The following DACH2 variants were observed in gnomAD, a reference collection of about 807,000 sequenced individuals.
DACH2 encodes the protein dachshund homolog 2.
A neutral mutation model predicts 35.8 loss-of-function variants in DACH2; 17 were observed. That is an observed-to-expected ratio of 0.48 (90% CI 0.33 to 0.71). The LOEUF (loss-of-function observed/expected upper bound fraction) is 0.71, where lower values mean the gene tolerates loss of function less well. DACH2 is among the 30% of genes least tolerant of loss of function. The probability of loss-of-function intolerance (pLI) is 0.02; values close to 1 mark genes in which losing one functional copy is unlikely to be tolerated. For missense variants in DACH2, 469 were observed against 472.7 expected, an observed-to-expected ratio of 0.99 and a Z score of 0.07; for synonymous variants, 195 against 177.3, an observed-to-expected ratio of 1.10 and a Z score of -0.79.
At chrX:86,776,021 C>T (rs773435870) in intron 7 of DACH2, among the ~76,000 whole-genome samples, 48 of 111,565 alleles carry the variant, frequency 4.3e-4, no homozygotes, top group Non-Finnish European at 7.7e-4. Flanking sequence ...GGCCATCTGA[C>T]TTCAGAGCCT....
intron 1 of DACH2, among the ~76,000 whole-genome samples, chrX:86,214,558 T>C (rs2032525187): frequency 8.9e-6 from 1 of 111,834 alleles, no homozygotes; most frequent in South Asian, 3.7e-4. Context: ...TTGATAGAAT[T>C]AAGATACTGC....
intron 1 of DACH2, among the ~76,000 whole-genome samples, chrX:86,219,949 G>C (rs768646285): frequency 1.0e-5 from 1 of 100,320 alleles, no homozygotes; most frequent in African/African-American, 3.8e-5. Flanking sequence ...TTGAGGTCAG[G>C]AGTTCCAGAC....
intron 1 of DACH2, among the ~76,000 whole-genome samples, chrX:86,307,989 G>T (rs749784079): frequency 1.3e-4 from 14 of 111,843 alleles, no homozygotes; most frequent in Non-Finnish European, 2.3e-4. Context: ...TGCTTGGTTA[G>T]CTGAAATATG....
intron 2 of DACH2, among the ~76,000 whole-genome samples, chrX:86,422,578 C>T (rs1021280104): frequency 9.1e-6 from 1 of 110,388 alleles, no homozygotes; most frequent in African/African-American, 3.3e-5. Flanking sequence ...TTATTGGGAA[C>T]ATGGAATGTT....
chrX:86,664,728 C>T (rs1602754821), intron 4 of DACH2, among the ~76,000 whole-genome samples: 2 of 111,815 alleles, frequency 1.8e-5, no homozygotes, highest in Admixed American at 9.5e-5. Context: ...GCATGATTGC[C>T]GAGTTAGCAG....
intron 5 of DACH2, among the ~76,000 whole-genome samples, chrX:86,706,602 T>C (rs779721362): frequency 1.4e-3 from 157 of 110,739 alleles, no homozygotes; most frequent in Non-Finnish European, 2.6e-3. Flanking sequence ...GGCCATAAAA[T>C]ACACTTTAAC....
intron 2 of DACH2, among the ~76,000 whole-genome samples, chrX:86,394,384 C>T (rs1441333428): frequency 9.0e-6 from 1 of 111,201 alleles, no homozygotes; most frequent in Non-Finnish European, 1.9e-5. Context: ...AGTATTAATG[C>T]TCCTAGTATT....
chrX:86,365,095 T>G (rs1375515464), intron 1 of DACH2, among the ~76,000 whole-genome samples: 1 of 111,845 alleles, frequency 8.9e-6, no homozygotes, highest in African/African-American at 3.2e-5. Flanking sequence ...GGTACTTGTT[T>G]AATTCTAATC....
chrX:86,799,559 G>T (rs1456642452), intron 7 of DACH2, among the ~76,000 whole-genome samples: 1 of 111,519 alleles, frequency 9.0e-6, no homozygotes, highest in African/African-American at 3.3e-5. Context: ...AGGATGGGTC[G>T]TCGATTCAGA....
intron 3 of DACH2, among the ~76,000 whole-genome samples, chrX:86,543,527 A>C (rs2038914571): frequency 9.0e-6 from 1 of 110,865 alleles, no homozygotes; most frequent in African/African-American, 3.3e-5. Context: ...GATAGGAATG[A>C]AGATCATTGA....
intron 1 of DACH2, among the ~76,000 whole-genome samples, chrX:86,231,809 C>T (rs1475172455): frequency 3.6e-5 from 4 of 112,193 alleles, no homozygotes; most frequent in Admixed American, 9.4e-5. Context: ...GTCCTTCTCC[C>T]CTGTGGGGTT....
intron 3 of DACH2, among the ~76,000 whole-genome samples, chrX:86,640,794 T>A (rs1323102195): frequency 9.0e-6 from 1 of 111,471 alleles, no homozygotes; most frequent in Non-Finnish European, 1.9e-5. Flanking sequence ...CCAGTAAGGC[T>A]AAGTGTCACC....
At chrX:86,529,979 A>ACATG (rs1556296748) in intron 3 of DACH2, among the ~76,000 whole-genome samples, 2 of 65,860 alleles carry the variant, frequency 3.0e-5, no homozygotes, top group Admixed American at 1.5e-4. Flanking sequence ...ACACACACGC[A>ACATG]CACACACACA....
chrX:86,384,767 A>G (rs752470760), intron 2 of DACH2, among the ~76,000 whole-genome samples: 5 of 112,093 alleles, frequency 4.5e-5, no homozygotes, highest in African/African-American at 1.6e-4. Flanking sequence ...AGCTCAATCA[A>G]TAGATTTATG....
At chrX:86,469,255 A>G (rs1387235355) in intron 2 of DACH2, among the ~76,000 whole-genome samples, 2 of 111,005 alleles carry the variant, frequency 1.8e-5, no homozygotes, top group Non-Finnish European at 3.8e-5. Context: ...TAGTTAGACA[A>G]TGGAATACAT....
Position 86,634,497 on chromosome X carries a change from A to C in DACH2, c.641-16539A>C, listed in dbSNP as rs150545092. On this transcript the variant is annotated intron_variant, in intron 3 of 11. Coordinates refer to ENST00000373125, the MANE Select transcript of DACH2 (RefSeq NM_053281.3). ...AATAAAAGACATTAAAATTGGAAAC[A>C]GGGAAGTCAAATTGGTCCACTTTGA... is the stretch of plus-strand genomic sequence containing the variant. 5.1e-3 allele frequency among the ~76,000 whole-genome samples: 572 copies of C among 111,193 alleles called. 4 individuals are homozygous for C. Among genetic ancestry groups the C allele is most frequent in the African/African-American group, 0.018 (540 of 30,595 alleles).
rs762925792 is a variant in DACH2, at chrX:86,648,622, A to G, written c.641-2414A>G. On this transcript the variant is annotated intron_variant, in intron 3 of 11. Transcript: ENST00000373125. ...GTGCTGTACTGAAGACTAAACAAAT[A>G]GGATTTAAGAGTTTCATAAGCTTAA... 8.1e-5 allele frequency among the ~76,000 whole-genome samples: 9 copies of G among 110,947 alleles called. No individual in the cohort carries two copies. In the South Asian group the frequency reaches 3.4e-3, roughly 42 times the overall value.
chrX:86,602,211 G>A (rs970387858), intron 3 of DACH2, among the ~76,000 whole-genome samples: 2 of 111,593 alleles, frequency 1.8e-5, no homozygotes, highest in South Asian at 3.7e-4. Flanking sequence ...TCTGTGTAAT[G>A]TTCTGTTGTG....
intron 7 of DACH2, among the ~76,000 whole-genome samples, chrX:86,766,608 A>G (rs1229412831): frequency 1.8e-5 from 2 of 112,093 alleles, no homozygotes; most frequent in African/African-American, 6.5e-5. Context: ...AATGTGCACC[A>G]CATTTATGTT....
Sources: gnomAD v4.1 joint callset for allele counts (sites outside exome capture counted in the v4.1 genomes callset) on GRCh38, gnomAD v4.1.1 for gene constraint, MANE v1.5 for transcripts, NCBI Gene and HGNC (gene_info 2026-07-23, HGNC 2026-07-21) for gene names.